The following PLCH2 variants were observed in gnomAD, a reference collection of about 807,000 sequenced individuals.
PLCH2 encodes the protein 1-phosphatidylinositol 4,5-bisphosphate phosphodiesterase eta-2.
Under a neutral mutation model 134.7 loss-of-function variants are expected in PLCH2, and 98 were observed. The observed-to-expected ratio is 0.73, with a 90% CI of 0.62 to 0.86. PLCH2 has a LOEUF of 0.86. PLCH2 is among the 40% of genes least tolerant of loss of function. PLCH2 has a pLI of 0.00. For synonymous variants in PLCH2, 974 were observed against 827.5 expected (o/e 1.18, Z -3.04); for missense variants, 1,994 against 1,986.6 (o/e 1.00, Z -0.07).
At chr1:2,431,748 T>C (rs918784089) in intron 2 of PLCH2, among the ~76,000 whole-genome samples, 4 of 152,142 alleles carry the variant, frequency 2.6e-5, no homozygotes, top group Non-Finnish European at 4.4e-5. Context: ...TCACAGTCCC[T>C]GCCTCTCCGT....
chr1:2,494,789 C>A, intron 11 of PLCH2, 67 bp from the exon 12 acceptor site: 1 of 1,078,728 alleles, frequency 9.3e-7, no homozygotes, highest in Non-Finnish European at 1.3e-6. Context: ...CCACCAGGGG[C>A]TGTCCCGGCC....
rs546519418 is a variant in PLCH2 at position 2,487,313 on chromosome 1, A to G, written c.1051A>G (p.Met351Val). Residue 351 changes from methionine (M) to valine (V), a missense_variant, in exon 7 of 22, where the codon ATG (methionine) becomes GTG (valine). Physicochemically the swap from Met to Val is conservative, Grantham distance 21. Coordinates refer to ENST00000378486, the MANE Select transcript of PLCH2 (RefSeq NM_014638.4). ...CACCTACCTCGTGGGTGACCAGCTCATGTCCCAGTCACGGGTGGACATGTA... is the reference window on the plus strand; with the variant it reads ...CACCTACCTCGTGGGTGACCAGCTCGTGTCCCAGTCACGGGTGGACATGTA... ...HNTYLVGDQL[M>V]SQSRVDMYAW... 1.9e-6 allele frequency: 3 copies of G among 1,612,430 alleles called. No homozygotes were observed. The highest frequency in any genetic ancestry group is 2.2e-5 in the East Asian group (1 of 44,870).
upstream of PLCH2, among the ~76,000 whole-genome samples, chr1:2,465,015 G>A (rs2477691): frequency 6.6e-6 from 1 of 152,128 alleles, no homozygotes; most frequent in Non-Finnish European, 1.5e-5. Context: ...GGCTGCCTTT[G>A]TGTGCAGAGC....
chr1:2,482,732 C>CG (rs907424707), intron 4 of PLCH2, among the ~76,000 whole-genome samples: 1 of 152,178 alleles, frequency 6.6e-6, no homozygotes, highest in African/African-American at 2.4e-5. Context: ...ACCACCACCC[C>CG]TGGCCACCCC....
rs919217505 is a variant in PLCH2 at position 2,448,597 on chromosome 1, G to A, written c.115+17968G>A. On this transcript the variant is annotated intron_variant, in intron 2 of 3. Transcript: ENST00000609981. The surrounding 1 kb of genome is among the most constrained non-coding windows in gnomAD (Gnocchi z 4.0). ...GCTCTGGGATGCGGATGTGTTTTCTGTCGGGGGTCGCCCTTCAGCCCCCTA... is the reference window on the plus strand; with the variant it reads ...GCTCTGGGATGCGGATGTGTTTTCTATCGGGGGTCGCCCTTCAGCCCCCTA... 6.6e-6 allele frequency among the ~76,000 whole-genome samples: 1 copy of A among 151,592 alleles called. No individual in the cohort carries two copies. Among genetic ancestry groups the A allele is most frequent in the Non-Finnish European group, 1.5e-5 (1 of 67,838 alleles).
chr1:2,479,733 G>A lies in PLCH2; in HGVS notation c.272-1G>A, dbSNP rs1357772400. On this transcript the variant is annotated splice_acceptor_variant, in intron 2 of 21. Transcript: ENST00000378486. LOFTEE classifies it high-confidence loss of function. ...ACCCGTGCTCCCTCCCCACCCCGCA[G>A]TCTCCATCGACTCCATCCAGGAGGT... 1 of 1,536,038 alleles carries A rather than the reference G, an allele frequency of 6.5e-7. No homozygotes were observed.
Position 2,480,312 on chromosome 1 carries a change from G to A in PLCH2, c.645G>A (p.Arg215=), listed in dbSNP as rs1482104490. The A allele has an allele frequency of 5.6e-6, 9 of 1,611,374 alleles. No individual in the cohort carries two copies. The highest frequency in any genetic ancestry group is 7.6e-6 in the Non-Finnish European group (9 of 1,179,052). ...GGCAGAGGGTGAAGCAGATGTTCAGGGTGAGCTGGGGGGAGCCCTACCTGG... is the reference window on the plus strand; with the variant it reads ...GGCAGAGGGTGAAGCAGATGTTCAGAGTGAGCTGGGGGGAGCCCTACCTGG... ...LPRQRVKQMF[R]EADTDDHQGT... The change falls in exon 4 of 22, where the codon AGG becomes AGA. Residue 215 remains arginine (R), a splice_region_variant and synonymous_variant. Transcript: ENST00000378486.
chr1:2,418,320 A>G, the PLCH2 span, among the ~76,000 whole-genome samples: 1 of 152,324 alleles, frequency 6.6e-6, no homozygotes, highest in South Asian at 2.1e-4. Flanking sequence ...CGAGAGAGAC[A>G]GGAGTGGGGG....
Position 2,498,684 on chromosome 1 carries a change from G to GGGTTT in PLCH2, c.2349+37_2349+38insGGTTT. The GGGTTT allele has an allele frequency of 9.6e-7, 1 of 1,038,942 alleles. No homozygotes were observed. Among genetic ancestry groups the GGGTTT allele is most frequent in the Non-Finnish European group, 1.4e-6 (1 of 695,178 alleles). The allele number at this position is 1,038,942 out of a possible 1,614,324, so 64.4% of individuals were successfully genotyped here. A position where few individuals can be genotyped will look rare whatever the true frequency, so the allele number is the denominator to read the frequency against. On this transcript the variant is annotated intron_variant, in intron 17 of 21. Coordinates refer to ENST00000378486, the MANE Select transcript of PLCH2 (RefSeq NM_014638.4). This position sits in a 1 kb window ranked among gnomAD's most constrained non-coding sequence, Gnocchi z 5.4. ...CCCCACACAGGCGGGAGGGGTGGGA[G>GGGTTT]TTGGGGGCGGGCCGGGCATCGCGAT...
chr1:2,466,207 AG>A (rs1409848253), upstream of PLCH2, among the ~76,000 whole-genome samples: 1 of 151,678 alleles, frequency 6.6e-6, no homozygotes, highest in African/African-American at 2.4e-5. Context: ...GCCCAGAGGG[AG>A]GGGGCCGCCC....
upstream of PLCH2, among the ~76,000 whole-genome samples, chr1:2,421,835 G>C (rs548362302): frequency 6.6e-6 from 1 of 151,628 alleles, no homozygotes; most frequent in Non-Finnish European, 1.5e-5. Flanking sequence ...TTAGCTGGGC[G>C]TGGTGGCGCA....
intron 4 of PLCH2, among the ~76,000 whole-genome samples, chr1:2,483,973 TGACTCCCGTGTGGGGG>T (rs2100670050): frequency 9.5e-6 from 1 of 105,090 alleles, no homozygotes; most frequent in African/African-American, 3.9e-5. Context: ...GGGGGGGCGC[TGACTCCCGTGTGGGGG>T]GGCGCTGACT....
chr1:2,498,947 C>A lies in PLCH2; in HGVS notation c.2434+119C>A. The A allele has an allele frequency of 7.3e-7, 1 of 1,369,830 alleles. No homozygotes were observed. Among genetic ancestry groups the A allele is most frequent in the Non-Finnish European group, 1.0e-6 (1 of 989,998 alleles). 84.9% of individuals were successfully genotyped at this position (1,369,830 alleles called of 1,614,324 possible). On this transcript the variant is annotated intron_variant, in intron 18 of 21. Transcript: ENST00000378486. The surrounding 1 kb of genome is among the most constrained non-coding windows in gnomAD (Gnocchi z 5.4). ...CTCCCTCAGTGACAGTCCTGGGCGCCCTCCCCTCTAGGTGGGCAGTCCCGG... is the reference window on the plus strand; with the variant it reads ...CTCCCTCAGTGACAGTCCTGGGCGCACTCCCCTCTAGGTGGGCAGTCCCGG...
intron 21 of PLCH2, chr1:2,503,670 G>A (rs977488689): frequency 3.7e-5 from 25 of 683,246 alleles, no homozygotes; most frequent in South Asian, 6.1e-5. Context: ...CCGGTGTCCC[G>A]TGCTGTCCCA....
chr1:2,475,966 G>C (rs980403106), upstream of PLCH2, among the ~76,000 whole-genome samples: 13 of 152,206 alleles, frequency 8.5e-5, no homozygotes, highest in Non-Finnish European at 1.6e-4. Context: ...TGCGGGGTGA[G>C]GGCAGGGACC....
rs779019432 is a variant in PLCH2, at chr1:2,494,857, G to A, written c.1661G>A (p.Ser554Asn). Residue 554 changes from serine to asparagine, a missense_variant and splice_region_variant, in exon 12 of 22, where the codon AGC becomes AAC. By Grantham distance (46) the Ser-to-Asn change is conservative. Coordinates refer to ENST00000378486, the MANE Select transcript of PLCH2 (RefSeq NM_014638.4). ...TCCCTGTCTCTCCCCTGGACTCAGA[G>A]CAAGGCTGAAGAGGACGTGGAGTCT... Reference protein sequence around the residue: ...LSPSGKLGRKSKAEEDVESGE... With the variant: ...LSPSGKLGRKNKAEEDVESGE... 2.5e-6 allele frequency: 4 copies of A among 1,602,672 alleles called. No homozygotes were observed. Among genetic ancestry groups the A allele is most frequent in the Non-Finnish European group, 3.4e-6 (4 of 1,174,604 alleles).
chr1:2,416,796 G>C, the PLCH2 span, among the ~76,000 whole-genome samples: 1 of 152,358 alleles, frequency 6.6e-6, no homozygotes, highest in Admixed American at 6.5e-5. Context: ...GGGCTGGCCT[G>C]GGAAGTGATG....
chr1:2,491,359 C>G lies in PLCH2; in HGVS notation c.1659+24C>G, dbSNP rs368871173. On this transcript the variant is annotated intron_variant, in intron 11 of 21. Transcript: ENST00000378486. Reference sequence around the variant, plus strand: ...AGGTAGAGGCCAAAAAGGTGACACCCCTGATGCCGACAGGCCCCCCCGACA... The same window carrying G: ...AGGTAGAGGCCAAAAAGGTGACACCGCTGATGCCGACAGGCCCCCCCGACA... The G allele has an allele frequency of 4.5e-5, 73 of 1,605,694 alleles. No individual in the cohort carries two copies. The Middle Eastern group carries it at 5.2e-4, about 11-fold the overall frequency.
chr1:2,483,386 T>C (rs1168187994), intron 4 of PLCH2, among the ~76,000 whole-genome samples: 1 of 152,318 alleles, frequency 6.6e-6, no homozygotes, highest in African/African-American at 2.4e-5. Flanking sequence ...CTCAAGATGC[T>C]GAGCAGCTGG....
Sources: gnomAD v4.1 joint callset for allele counts (sites outside exome capture counted in the v4.1 genomes callset) on GRCh38, gnomAD v4.1.1 for gene constraint, Gnocchi (gnomAD v3.1) non-coding constraint, MANE v1.5 for transcripts, NCBI Gene and HGNC (gene_info 2026-07-23, HGNC 2026-07-21) for gene names.